The following MRPL33 variants were observed in gnomAD, a reference collection of about 807,000 sequenced individuals.
MRPL33 encodes the protein large ribosomal subunit protein bL33m.
MRPL33 carries 5 observed loss-of-function variants against 10.1 expected under a neutral mutation model. The observed-to-expected ratio is 0.49, with a 90% CI of 0.26 to 1.04. The LOEUF (loss-of-function observed/expected upper bound fraction) is 1.04. MRPL33 is among the 50% of genes least tolerant of loss of function. The pLI, the probability that MRPL33 is intolerant of heterozygous loss-of-function variation, is 0.14. For missense variants in MRPL33, 79 were observed against 78.1 expected, an observed-to-expected ratio of 1.01 and a Z score of -0.04; for synonymous variants, 24 against 27.7, an observed-to-expected ratio of 0.87 and a Z score of 0.42.
At position 27,779,517 on chromosome 2, in the gene MRPL33, G is replaced by A. The variant is rs1677237301; in HGVS notation, c.*35G>A. The A allele has an allele frequency of 6.2e-7, 1 of 1,613,080 alleles. No individual in the cohort carries two copies. Among genetic ancestry groups the A allele is most frequent in the Non-Finnish European group, 8.5e-7 (1 of 1,179,700 alleles). On this transcript the variant is annotated 3_prime_UTR_variant, in exon 4 of 4. Transcript: ENST00000296102. ...TGAAAATGACTTTGATTTATAAAGA[G>A]AAGACTGAGGGCGGGGATACTGATT...
chr2:27,776,221 GCT>G, intron 3 of MRPL33, among the ~76,000 whole-genome samples: 1 of 152,238 alleles, frequency 6.6e-6, no homozygotes, highest in Non-Finnish European at 1.5e-5. Context: ...AACGGTCTTA[GCT>G]TTGACAGCAC....
At chr2:27,773,648 G>A (rs1472747280) in intron 2 of MRPL33, among the ~76,000 whole-genome samples, 2 of 152,200 alleles carry the variant, frequency 1.3e-5, no homozygotes, top group Non-Finnish European at 2.9e-5. Context: ...CTTCCACAGA[G>A]TAAGTGCTTA....
At chr2:27,774,358 T>G in intron 2 of MRPL33, 66 bp from the exon 3 acceptor site, 1 of 1,284,066 alleles carries the variant, frequency 7.8e-7, no homozygotes, top group Non-Finnish European at 1.1e-6. Context: ...AAATGTGCCA[T>G]CCCCCTGTGA....
At chr2:27,775,965 T>C (rs1408110056) in intron 3 of MRPL33, among the ~76,000 whole-genome samples, 3 of 152,208 alleles carry the variant, frequency 2.0e-5, no homozygotes, top group African/African-American at 4.8e-5. Flanking sequence ...CTGATTTCTT[T>C]GTGTCAGCTG....
intron 1 of MRPL33, 161 bp downstream of exon 1, chr2:27,771,960 G>A: frequency 1.3e-6 from 1 of 762,180 alleles, no homozygotes; most frequent in Non-Finnish European, 2.1e-6. Flanking sequence ...GGCATGCCCC[G>A]CGGCGCGCCT....
chr2:27,771,828 G>T (rs370629304), intron 1 of MRPL33, 29 bp downstream of exon 1: 1 of 1,610,588 alleles, frequency 6.2e-7, no homozygotes, highest in Non-Finnish European at 8.5e-7. Flanking sequence ...GCCGGTAGGG[G>T]TTACGGCGAG....
In MRPL33 at chr2:27,779,473, C is replaced by T; in HGVS notation, c.189C>T (p.Arg63=). ...RVLFVEKKKI[R]SL Reference sequence around the variant, plus strand: ...TCTTCGTGGAAAAGAAAAAAATACGCTCCCTTTAAACGGTGGATTGAAAAT... The same window carrying T: ...TCTTCGTGGAAAAGAAAAAAATACGTTCCCTTTAAACGGTGGATTGAAAAT... The change falls in exon 4 of 4, where the codon CGC becomes CGT. Residue 63 remains arginine, a synonymous_variant. Transcript: ENST00000296102. 1 of 1,612,300 alleles carries T rather than the reference C, an allele frequency of 6.2e-7. No individual in the cohort carries two copies. The highest frequency in any genetic ancestry group is 8.5e-7 in the Non-Finnish European group (1 of 1,179,468).
At chr2:27,776,984 ATGG>A (rs1303205926) in intron 3 of MRPL33, among the ~76,000 whole-genome samples, 1 of 152,236 alleles carries the variant, frequency 6.6e-6, no homozygotes, top group Non-Finnish European at 1.5e-5. Context: ...TAGCTGATAA[ATGG>A]TGGAGCCAGA....
intron 3 of MRPL33, among the ~76,000 whole-genome samples, chr2:27,777,760 A>G (rs986430758): frequency 1.3e-5 from 2 of 152,186 alleles, no homozygotes; most frequent in African/African-American, 4.8e-5. Context: ...ATTCTACTCA[A>G]TATAGCCTTG....
intron 3 of MRPL33, among the ~76,000 whole-genome samples, chr2:27,775,647 C>T (rs183936939): frequency 2.0e-5 from 3 of 152,266 alleles, no homozygotes; most frequent in Non-Finnish European, 2.9e-5. Context: ...CCACCGCACC[C>T]GGCCATTGCT....
At position 27,771,727 on chromosome 2, in the gene MRPL33, T is replaced by C. The variant is rs1553372550; in HGVS notation, c.-51T>C. 5 of 1,610,690 alleles carry C rather than the reference T, an allele frequency of 3.1e-6. No homozygotes were observed. In the South Asian group the frequency reaches 4.4e-5, roughly 14 times the overall value. ...GGCCGTGCCCCGGAAGCAGTTGTTGTTGGTTGGGGGCCTTTTGGCCGGTGA... is the reference window on the plus strand; with the variant it reads ...GGCCGTGCCCCGGAAGCAGTTGTTGCTGGTTGGGGGCCTTTTGGCCGGTGA... On this transcript the variant is annotated 5_prime_UTR_variant, in exon 1 of 4. Coordinates refer to ENST00000296102, the MANE Select transcript of MRPL33 (RefSeq NM_004891.4).
At chr2:27,775,350 A>ATTTTTTT in intron 3 of MRPL33, among the ~76,000 whole-genome samples, 1 of 123,054 alleles carries the variant, frequency 8.1e-6, no homozygotes, top group Non-Finnish European at 1.6e-5. Flanking sequence ...TTTATAATTA[A>ATTTTTTT]TTTTTTTTTT....
intron 2 of MRPL33, 60 bp from the exon 3 acceptor site, chr2:27,774,364 T>C (rs1019751239): frequency 7.3e-7 from 1 of 1,367,470 alleles, no homozygotes; most frequent in African/African-American, 1.4e-5. Context: ...GCCATCCCCC[T>C]GTGACTGATT....
intron 1 of MRPL33, 55 bp downstream of exon 1, chr2:27,771,854 A>C: frequency 6.4e-7 from 1 of 1,565,026 alleles, no homozygotes; most frequent in Non-Finnish European, 8.8e-7. Context: ...GGGGGCCGTG[A>C]CAGGCAGGGC....
At chr2:27,775,563 G>A (rs984327946) in intron 3 of MRPL33, among the ~76,000 whole-genome samples, 1 of 151,846 alleles carries the variant, frequency 6.6e-6, no homozygotes, top group Non-Finnish European at 1.5e-5. Context: ...TGTTAGCCAC[G>A]CTGGTCTTGA....
chr2:27,772,688 T>G lies in MRPL33; in HGVS notation c.37T>G (p.Ser13Ala). 6.2e-7 allele frequency: 1 copy of G among 1,601,624 alleles called. No individual in the cohort carries two copies. The highest frequency in any genetic ancestry group is 1.1e-5 in the South Asian group (1 of 89,436). ...LSAVFFAKSKSKNILVRMVSE... is the reference protein window; with the variant it reads ...LSAVFFAKSKAKNILVRMVSE... Reference sequence around the variant, plus strand: ...CTACAAAAAAGTTGCCAAGAGCAAGTCAAAGTAAGTAAAGATTTTTCCTTT... The same window carrying G: ...CTACAAAAAAGTTGCCAAGAGCAAGGCAAAGTAAGTAAAGATTTTTCCTTT... Residue 13 changes from serine (S) to alanine (A), a missense_variant, in exon 2 of 4, where the codon TCA becomes GCA. Ser to Ala is a moderately conservative substitution (Grantham distance 99, BLOSUM62 1). Transcript: ENST00000296102.
At position 27,779,460 on chromosome 2, in the gene MRPL33, AG is replaced by A; in HGVS notation, c.177del (p.Ile62TyrfsTer15). On this transcript the variant is annotated frameshift_variant, in exon 4 of 4. Coordinates refer to ENST00000296102, the MANE Select transcript of MRPL33 (RefSeq NM_004891.4). LOFTEE classifies it high-confidence loss of function. Reference protein sequence around the residue: ...VVKQRVLFVEKKKIRSL With the variant: ...VVKQRVLFVEXKKIRSL Reference sequence around the variant, plus strand: ...AAACAAAGAGTCCTCTTCGTGGAAAAGAAAAAAATACGCTCCCTTTAAACGG... The same window carrying A: ...AAACAAAGAGTCCTCTTCGTGGAAAAAAAAAAATACGCTCCCTTTAAACGG... 1 of 1,611,026 alleles carries A rather than the reference AG, an allele frequency of 6.2e-7. No individual in the cohort carries two copies. The highest frequency in any genetic ancestry group is 8.5e-7 in the Non-Finnish European group (1 of 1,179,252).
intron 3 of MRPL33, among the ~76,000 whole-genome samples, chr2:27,777,440 C>CCT (rs1336947526): frequency 6.6e-6 from 1 of 151,050 alleles, no homozygotes; most frequent in East Asian, 1.9e-4. Context: ...CACTGAGACT[C>CCT]CTATCACCAA....
At chr2:27,772,102 G>T in intron 1 of MRPL33, 1 of 414,008 alleles carries the variant, frequency 2.4e-6, no homozygotes, top group Non-Finnish European at 4.3e-6. Context: ...TTGTCCGAAG[G>T]ACCTCAGAAT....
Sources: allele counts gnomAD v4.1 joint callset (sites outside exome capture counted in the v4.1 genomes callset), GRCh38; gene constraint gnomAD v4.1.1; transcripts MANE v1.5; gene names NCBI Gene and HGNC (gene_info 2026-07-23, HGNC 2026-07-21).